Variants in SPOCK1 observed in about 807,000 individuals in gnomAD.
SPOCK1 encodes testican-1.
A neutral mutation model predicts 55.3 loss-of-function variants in SPOCK1; 23 were observed. The ratio of observed to expected loss-of-function variants is 0.42; its 90% CI spans 0.30 to 0.59. The LOEUF (loss-of-function observed/expected upper bound fraction) is 0.59, where lower values mean the gene tolerates loss of function less well. Ranked by LOEUF, SPOCK1 falls within the 20% of genes least tolerant of loss-of-function variation. The pLI is 0.22. For missense variants in SPOCK1, 499 were observed against 552.5 expected (o/e 0.90, Z 0.97); for synonymous variants, 226 against 221.0 (o/e 1.02, Z -0.20).
chr5:137,382,310 T>C (rs963610846), intron 2 of SPOCK1, among the ~76,000 whole-genome samples: 1 of 152,322 alleles, frequency 6.6e-6, no homozygotes, highest in African/African-American at 2.4e-5. Flanking sequence ...CTTTCCCACA[T>C]CTTTCTGTCT....
At chr5:137,208,362 C>T (rs1218810607) in intron 3 of SPOCK1, among the ~76,000 whole-genome samples, 2 of 152,020 alleles carry the variant, frequency 1.3e-5, no homozygotes, top group South Asian at 2.1e-4. Context: ...GGAGATGAAG[C>T]CTGAGAGGTG....
intron 3 of SPOCK1, among the ~76,000 whole-genome samples, chr5:137,266,200 T>G (rs909162545): frequency 6.6e-6 from 1 of 152,184 alleles, no homozygotes; most frequent in Admixed American, 6.5e-5. Context: ...AATACTCACA[T>G]TACAGAACTG....
chr5:137,293,547 A>T (rs1439720327), intron 2 of SPOCK1, among the ~76,000 whole-genome samples: 1 of 147,716 alleles, frequency 6.8e-6, no homozygotes, highest in Non-Finnish European at 1.5e-5. Flanking sequence ...TGATTCAGGA[A>T]ACCTGTCATG....
At chr5:137,344,556 G>C (rs1750511444) in intron 2 of SPOCK1, among the ~76,000 whole-genome samples, 1 of 152,188 alleles carries the variant, frequency 6.6e-6, no homozygotes, top group Non-Finnish European at 1.5e-5. Context: ...TTCACAAATG[G>C]GGAGGGGGCG....
At chr5:137,162,712 C>G (rs1304552634) in intron 3 of SPOCK1, among the ~76,000 whole-genome samples, 1 of 152,086 alleles carries the variant, frequency 6.6e-6, no homozygotes, top group East Asian at 1.9e-4. Flanking sequence ...CAAACTCTAG[C>G]TTAGATACAC....
intron 3 of SPOCK1, among the ~76,000 whole-genome samples, chr5:137,202,646 T>C (rs1056031045): frequency 4.6e-5 from 7 of 152,196 alleles, no homozygotes; most frequent in Non-Finnish European, 7.3e-5. Context: ...AGTTTGTAAA[T>C]GAATTAGTTA....
At chr5:137,237,554 T>C (rs1211059577) in intron 3 of SPOCK1, among the ~76,000 whole-genome samples, 2 of 152,348 alleles carry the variant, frequency 1.3e-5, no homozygotes, top group African/African-American at 4.8e-5. Flanking sequence ...CACAGGGAGC[T>C]AAGCTGAGCA....
chr5:137,175,130 C>T (rs1363591470), intron 3 of SPOCK1, among the ~76,000 whole-genome samples: 2 of 152,134 alleles, frequency 1.3e-5, no homozygotes, highest in East Asian at 3.9e-4. Context: ...TGACAAATTA[C>T]TATGGAAATG....
At chr5:137,163,493 C>A (rs1375751901) in intron 3 of SPOCK1, among the ~76,000 whole-genome samples, 1 of 152,178 alleles carries the variant, frequency 6.6e-6, no homozygotes, top group Non-Finnish European at 1.5e-5. Flanking sequence ...TAGTTCATTA[C>A]TAGGCAATGA....
intron 3 of SPOCK1, among the ~76,000 whole-genome samples, chr5:137,224,129 G>A (rs1755906213): frequency 6.6e-6 from 1 of 152,172 alleles, no homozygotes; most frequent in Non-Finnish European, 1.5e-5. Flanking sequence ...GCTCAGCACT[G>A]TTTGTTAAGT....
chr5:137,094,404 C>A (rs1766256583), intron 5 of SPOCK1, among the ~76,000 whole-genome samples: 1 of 152,166 alleles, frequency 6.6e-6, no homozygotes, highest in African/African-American at 2.4e-5. Flanking sequence ...ATTGTGGGTT[C>A]ATTCCCAGAC....
chr5:137,136,448 A>G (rs1411777001), intron 4 of SPOCK1, among the ~76,000 whole-genome samples: 1 of 152,176 alleles, frequency 6.6e-6, no homozygotes, highest in Non-Finnish European at 1.5e-5. Flanking sequence ...CTCACTTATA[A>G]AAATTAACTA....
chr5:137,213,702 G>A (rs1220649392), intron 3 of SPOCK1, among the ~76,000 whole-genome samples: 1 of 152,136 alleles, frequency 6.6e-6, no homozygotes, highest in African/African-American at 2.4e-5. Context: ...GTAAAATAGG[G>A]GAACAATACC....
At chr5:137,239,815 A>C (rs1162166376) in intron 3 of SPOCK1, among the ~76,000 whole-genome samples, 1 of 152,244 alleles carries the variant, frequency 6.6e-6, no homozygotes, top group Non-Finnish European at 1.5e-5. Context: ...TGAATAAGGG[A>C]AACTAGGAAA....
At chr5:137,416,733 A>C (rs1348937068) in intron 2 of SPOCK1, among the ~76,000 whole-genome samples, 1 of 152,126 alleles carries the variant, frequency 6.6e-6, no homozygotes, top group African/African-American at 2.4e-5. Context: ...TCTCAGCAAC[A>C]ATCAGTGAGA....
intron 3 of SPOCK1, among the ~76,000 whole-genome samples, chr5:137,200,658 T>C (rs539436836): frequency 6.6e-6 from 1 of 152,336 alleles, no homozygotes; most frequent in Non-Finnish European, 1.5e-5. Flanking sequence ...AATTTTTTTA[T>C]TTCCATTTTT....
At chr5:137,383,177 A>T (rs1444815070) in intron 2 of SPOCK1, among the ~76,000 whole-genome samples, 3 of 152,186 alleles carry the variant, frequency 2.0e-5, no homozygotes, top group Admixed American at 6.5e-5. Flanking sequence ...CCTACCTATA[A>T]AATGGAGACA....
At chr5:137,101,903 T>C (rs1036532753) in intron 5 of SPOCK1, among the ~76,000 whole-genome samples, 23 of 152,206 alleles carry the variant, frequency 1.5e-4, no homozygotes, top group Admixed American at 8.5e-4. Context: ...CACATTCCCA[T>C]AGATGAACTT....
At chr5:137,297,314 C>A (rs746288423) in intron 2 of SPOCK1, among the ~76,000 whole-genome samples, 7 of 152,096 alleles carry the variant, frequency 4.6e-5, no homozygotes, top group Admixed American at 1.3e-4. Context: ...CACTCCACAG[C>A]ATATCATGAT....
Sources: allele counts gnomAD v4.1 joint callset (sites outside exome capture counted in the v4.1 genomes callset), GRCh38; gene constraint gnomAD v4.1.1; transcripts MANE v1.5; gene names NCBI Gene and HGNC (gene_info 2026-07-23, HGNC 2026-07-21).